TMEM260: variants seen among roughly 807,000 people sequenced by gnomAD.
TMEM260 encodes the protein transmembrane protein 260, also known as protein O-mannosyl-transferase TMEM260.
Under a neutral mutation model 88.9 loss-of-function variants are expected in TMEM260, and 82 were observed. The observed-to-expected ratio is 0.92, with a 90% CI of 0.77 to 1.11. TMEM260 has a LOEUF of 1.11. Among genes scored for constraint, TMEM260 ranks in the 50% least tolerant of loss-of-function variants. TMEM260 has a pLI of 0.00. For synonymous variants in TMEM260, 314 were observed against 309.3 expected (o/e 1.02, Z -0.16); for missense variants, 902 against 853.4 (o/e 1.06, Z -0.71).
At chr14:56,607,138 G>A (rs1886962189) in intron 5 of TMEM260, among the ~76,000 whole-genome samples, 3 of 152,188 alleles carry the variant, frequency 2.0e-5, no homozygotes, top group Non-Finnish European at 4.4e-5. Context: ...ATAACTCAGT[G>A]AAGCTTTTCT....
intron 11 of TMEM260, 121 bp downstream of exon 11, chr14:56,621,823 A>G: frequency 1.4e-6 from 1 of 711,780 alleles, no homozygotes; most frequent in Admixed American, 3.5e-5. Context: ...TAGGTAGAAT[A>G]TATATGACAT....
the TMEM260 span, among the ~76,000 whole-genome samples, chr14:56,657,473 C>T: frequency 2.9e-5 from 4 of 139,178 alleles, no homozygotes; most frequent in Non-Finnish European, 4.5e-5. Flanking sequence ...ATTTAATAAA[C>T]ATTTTTTGAG....
At chr14:56,623,438 C>T (rs987169099) in intron 11 of TMEM260, among the ~76,000 whole-genome samples, 1 of 152,166 alleles carries the variant, frequency 6.6e-6, no homozygotes, top group Non-Finnish European at 1.5e-5. Context: ...CCCCAGAAGC[C>T]CCCCAGCAGA....
rs774414903 is a variant in TMEM260, at chr14:56,604,027, G to A, written c.522+35G>A. ...TTTGATCAAAGTGAAATCAGTTTTTGTTTTAATTTTTAGACAGATGTATTT... is the reference window on the plus strand; with the variant it reads ...TTTGATCAAAGTGAAATCAGTTTTTATTTTAATTTTTAGACAGATGTATTT... On this transcript the variant is annotated intron_variant, in intron 4 of 15. Transcript: ENST00000261556. The A allele has an allele frequency of 8.0e-6, 12 of 1,505,554 alleles. No homozygotes were observed. In the East Asian group the frequency reaches 2.3e-4, roughly 29 times the overall value. The allele number at this position is 1,505,554 out of a possible 1,614,324, so 93.3% of individuals were successfully genotyped here. A position where few individuals can be genotyped will look rare whatever the true frequency, so the allele number is the denominator to read the frequency against.
At chr14:56,653,742 A>AAAAAAAAAAAACAAACAAAC (rs1555343572), downstream of TMEM260, among the ~76,000 whole-genome samples, 8 of 65,802 alleles carry the variant, frequency 1.2e-4, no homozygotes, top group African/African-American at 2.7e-4. Context: ...TCTCCAAAAC[A>AAAAAAAAAAAACAAACAAAC]AAAAAAAAAA....
At chr14:56,628,087 A>G (rs1888348689) in intron 12 of TMEM260, among the ~76,000 whole-genome samples, 3 of 152,142 alleles carry the variant, frequency 2.0e-5, no homozygotes, top group Admixed American at 2.0e-4. Flanking sequence ...TCAATAGTTT[A>G]TTCTTTTTGT....
intron 5 of TMEM260, 22 bp from the exon 6 acceptor site, chr14:56,609,084 C>T (rs1378341462): frequency 1.2e-6 from 2 of 1,606,300 alleles, no homozygotes. Context: ...ATTGTTATAC[C>T]ACCCAATGTG....
chr14:56,615,310 A>G (rs1189802244), intron 7 of TMEM260: 1 of 152,206 alleles, frequency 6.6e-6, no homozygotes, highest in Non-Finnish European at 1.5e-5. Flanking sequence ...AAGCTATTTT[A>G]GAACTCAAAT....
intron 12 of TMEM260, among the ~76,000 whole-genome samples, chr14:56,627,462 CAAAT>C (rs901598895): frequency 6.6e-6 from 1 of 151,922 alleles, no homozygotes; most frequent in African/African-American, 2.4e-5. Flanking sequence ...AAATAATAAG[CAAAT>C]AAAACTATTA....
downstream of TMEM260, chr14:56,650,121 C>T (rs1205233139): frequency 2.2e-6 from 1 of 455,408 alleles, no homozygotes; most frequent in East Asian, 6.9e-5. Flanking sequence ...TAGTCTGACC[C>T]CCGACATTGA....
At chr14:56,582,465 G>C (rs1396071101) in intron 1 of TMEM260, among the ~76,000 whole-genome samples, 2 of 152,156 alleles carry the variant, frequency 1.3e-5, no homozygotes, top group Non-Finnish European at 2.9e-5. Context: ...AATTAATATT[G>C]AGAAGTATGA....
Position 56,579,811 on chromosome 14 carries a change from C to T in TMEM260, c.-104C>T. 1 of 1,142,372 alleles carries T rather than the reference C, an allele frequency of 8.8e-7. No individual in the cohort carries two copies. The highest frequency in any genetic ancestry group is 4.5e-5 in the South Asian group (1 of 22,252). The allele number at this position is 1,142,372 out of a possible 1,614,324, so 70.8% of individuals were successfully genotyped here. ...CCGCGGAGGCTCGACCCGGAAGCCG[C>T]CGTGGCCGCCGCACAAGCTGCGCTC... On this transcript the variant is annotated 5_prime_UTR_variant, in exon 1 of 16. Coordinates refer to ENST00000261556, the MANE Select transcript of TMEM260 (RefSeq NM_017799.4).
chr14:56,621,501 A>G (rs748042894), intron 10 of TMEM260, 30 bp from the exon 11 acceptor site: 2 of 1,557,514 alleles, frequency 1.3e-6, no homozygotes, highest in East Asian at 2.3e-5. Flanking sequence ...AAGTGTTGCT[A>G]TTTTAATTTT....
rs1218955177 is a variant in TMEM260, at chr14:56,603,972, A to G, written c.502A>G (p.Thr168Ala). 3.1e-6 allele frequency: 5 copies of G among 1,591,436 alleles called. No homozygotes were observed. The highest frequency in any genetic ancestry group is 1.4e-5 in the African/African-American group (1 of 73,304). The change falls in exon 4 of 16, where the codon ACT becomes GCT. Residue 168 changes from threonine to alanine, a missense_variant. By Grantham distance (58) the Thr-to-Ala change is moderately conservative. Coordinates refer to ENST00000261556, the MANE Select transcript of TMEM260 (RefSeq NM_017799.4). ...ALTVHFEEAA[T>A]AKERSKVAKI... ...TACTGTACATTTTGAGGAAGCAGCA[A>G]CTGCTAAGGAGAGATCAAAGGTAAC...
the TMEM260 span, among the ~76,000 whole-genome samples, chr14:56,659,265 T>TTG: frequency 4.8e-4 from 73 of 151,688 alleles, 2 homozygotes; most frequent in African/African-American, 1.7e-3. Flanking sequence ...GTTTTTGTTT[T>TTG]TTTTTTTTTT....
rs531506017 is a variant in TMEM260, at chr14:56,644,020, T to A, written c.1870-3223T>A. Among the ~76,000 whole-genome samples, 12 of 152,274 alleles carry A rather than the reference T, an allele frequency of 7.9e-5. No individual in the cohort carries two copies. The East Asian group carries it at 1.9e-3, about 24-fold the overall frequency. On this transcript the variant is annotated intron_variant, in intron 15 of 15. Coordinates refer to ENST00000261556, the MANE Select transcript of TMEM260 (RefSeq NM_017799.4). ...GGAAATAAAAGAGGATACAAACAAATGGAAGAACATTCCATGCTCATGGGT... is the reference window on the plus strand; with the variant it reads ...GGAAATAAAAGAGGATACAAACAAAAGGAAGAACATTCCATGCTCATGGGT...
At chr14:56,658,062 G>A in the TMEM260 span, among the ~76,000 whole-genome samples, 25 of 152,232 alleles carry the variant, frequency 1.6e-4, no homozygotes, top group South Asian at 8.3e-4. Flanking sequence ...TCTTAAGCTT[G>A]GTGCCTAACT....
At position 56,622,180 on chromosome 14, in the gene TMEM260, A is replaced by G. The variant is rs565423037; in HGVS notation, c.1398+478A>G. Reference sequence around the variant, plus strand: ...AACATGGTGAAACCCCGTCTCTACTAAAAATACAAAAAATTAGCCGGGTGT... The same window carrying G: ...AACATGGTGAAACCCCGTCTCTACTGAAAATACAAAAAATTAGCCGGGTGT... On this transcript the variant is annotated intron_variant, in intron 11 of 15. Coordinates refer to ENST00000261556, the MANE Select transcript of TMEM260 (RefSeq NM_017799.4). Among the ~76,000 whole-genome samples, 962 of 151,860 alleles carry G rather than the reference A, an allele frequency of 6.3e-3. 7 individuals carry two copies. Among genetic ancestry groups the G allele is most frequent in the African/African-American group, 0.022 (908 of 41,412 alleles).
chr14:56,602,722 G>A (rs1448964237), intron 3 of TMEM260, among the ~76,000 whole-genome samples: 2 of 120,612 alleles, frequency 1.7e-5, no homozygotes, highest in African/African-American at 6.6e-5. Flanking sequence ...ATGGGAAACT[G>A]CTGATTTTTT....
Sources: gnomAD v4.1 joint callset for allele counts (sites outside exome capture counted in the v4.1 genomes callset) on GRCh38, gnomAD v4.1.1 for gene constraint, MANE v1.5 for transcripts, NCBI Gene and HGNC (gene_info 2026-07-23, HGNC 2026-07-21) for gene names.